Variants in PPFIA2 observed in about 807,000 individuals in gnomAD.
PPFIA2 encodes liprin-alpha-2.
Under a neutral mutation model 175.5 loss-of-function variants are expected in PPFIA2, and 46 were observed. The ratio of observed to expected loss-of-function variants is 0.26; its 90% CI spans 0.21 to 0.34. The LOEUF is 0.34. Among genes scored for constraint, PPFIA2 ranks in the 10% least tolerant of loss-of-function variants. The pLI, the probability that PPFIA2 is intolerant of heterozygous loss-of-function variation, is 1.00. For synonymous variants in PPFIA2, 568 were observed against 511.4 expected (o/e 1.11, Z -1.49); for missense variants, 1,179 against 1,506.1 (o/e 0.78, Z 3.60).
intron 19 of PPFIA2, among the ~76,000 whole-genome samples, chr12:81,343,521 A>AT (rs76020310): frequency 8.2e-4 from 124 of 152,068 alleles, no homozygotes; most frequent in Middle Eastern, 3.4e-3. Flanking sequence ...AGATTCCTTT[A>AT]TTTTTTTTAA....
At chr12:81,565,707 C>T (rs2071144278) in intron 4 of PPFIA2, among the ~76,000 whole-genome samples, 1 of 152,090 alleles carries the variant, frequency 6.6e-6, no homozygotes. Context: ...CCCAGGAATC[C>T]TCAAATAGAT....
chr12:81,353,949 A>G (rs962567389), intron 16 of PPFIA2, among the ~76,000 whole-genome samples: 4 of 152,222 alleles, frequency 2.6e-5, no homozygotes, highest in African/African-American at 9.6e-5. Flanking sequence ...TGAATATGAA[A>G]GTTATGCCCA....
chr12:81,510,398 G>A (rs1317186932), intron 4 of PPFIA2, among the ~76,000 whole-genome samples: 1 of 151,950 alleles, frequency 6.6e-6, no homozygotes, highest in Non-Finnish European at 1.5e-5. Context: ...TTTGAATCTG[G>A]TAATTGTGTA....
chr12:81,498,827 G>A (rs2060291942), intron 4 of PPFIA2, among the ~76,000 whole-genome samples: 1 of 152,076 alleles, frequency 6.6e-6, no homozygotes, highest in Admixed American at 6.6e-5. Context: ...GTTTCACTAT[G>A]TTGGCCAGGC....
At chr12:81,673,768 G>A (rs542957755) in intron 4 of PPFIA2, among the ~76,000 whole-genome samples, 1 of 151,956 alleles carries the variant, frequency 6.6e-6, no homozygotes, top group African/African-American at 2.4e-5. Flanking sequence ...TGCAAGTTGT[G>A]TTTGCTGCTA....
intron 4 of PPFIA2, among the ~76,000 whole-genome samples, chr12:81,484,734 T>C (rs1054868777): frequency 1.9e-4 from 29 of 152,066 alleles, no homozygotes; most frequent in African/African-American, 7.0e-4. Context: ...AATTTAAAAC[T>C]TCATATGTTA....
chr12:81,468,761 T>G (rs910540610), intron 4 of PPFIA2, among the ~76,000 whole-genome samples: 1 of 152,190 alleles, frequency 6.6e-6, no homozygotes, highest in East Asian at 1.9e-4. Flanking sequence ...AGTTGTAAAA[T>G]CTATTGAAAC....
intron 18 of PPFIA2, 88 bp downstream of exon 18, chr12:81,347,445 T>C: frequency 9.1e-7 from 1 of 1,104,834 alleles, no homozygotes. Context: ...AGAAAGTACT[T>C]AGACTAGAAC....
chr12:81,730,482 TGAAACCATCAGATCTCA>T (rs2080735598), intron 3 of PPFIA2, among the ~76,000 whole-genome samples: 1 of 151,602 alleles, frequency 6.6e-6, no homozygotes, highest in African/African-American at 2.4e-5. Flanking sequence ...CAGATGCTTA[TGAAACCATCAGATCTCA>T]TGAGAACTCT....
chr12:81,605,762 A>G (rs1199300943), intron 4 of PPFIA2, among the ~76,000 whole-genome samples: 1 of 151,662 alleles, frequency 6.6e-6, no homozygotes, highest in Admixed American at 6.6e-5. Flanking sequence ...CAGTATCCAT[A>G]CCCTTAGCTT....
rs1377894403 is a variant in PPFIA2, at chr12:81,278,906, C to T, written c.3213-1492G>A. Among the ~76,000 whole-genome samples, 7 of 152,024 alleles carry T rather than the reference C, an allele frequency of 4.6e-5. No homozygotes were observed. In the South Asian group the frequency reaches 1.0e-3, roughly 23 times the overall value. On this transcript the variant is annotated intron_variant, in intron 27 of 32. Transcript: ENST00000549396. The stretch of plus-strand genomic sequence containing the variant: ...ACTTGCTAGATGCATTTCTAAGCCC[C>T]GCATTTTAATAAAAACAATGTTGAG...
chr12:81,686,710 T>C (rs1347945324), intron 3 of PPFIA2, among the ~76,000 whole-genome samples: 1 of 152,110 alleles, frequency 6.6e-6, no homozygotes, highest in Non-Finnish European at 1.5e-5. Context: ...CAGTTAGTTA[T>C]CCAGTCTAGG....
intron 3 of PPFIA2, among the ~76,000 whole-genome samples, chr12:81,739,608 T>C (rs2082088090): frequency 6.6e-6 from 1 of 152,012 alleles, no homozygotes; most frequent in South Asian, 2.1e-4. Flanking sequence ...TAATCTATTA[T>C]CGATCAGCAA....
At chr12:81,719,163 G>T (rs2079016148) in intron 3 of PPFIA2, among the ~76,000 whole-genome samples, 1 of 151,592 alleles carries the variant, frequency 6.6e-6, no homozygotes. Context: ...TAGTTTGAAA[G>T]AAATATTCCA....
chr12:81,520,469 A>G (rs1213288877), intron 4 of PPFIA2, among the ~76,000 whole-genome samples: 1 of 152,232 alleles, frequency 6.6e-6, no homozygotes. Flanking sequence ...AAGTGAAACT[A>G]TGAATATGTG....
rs139628175 is a variant in PPFIA2 at position 81,460,298 on chromosome 12, C to G, written c.304-2432G>C. Among the ~76,000 whole-genome samples, 394 of 152,214 alleles carry G rather than the reference C, an allele frequency of 2.6e-3. 1 individual carries two copies. Among genetic ancestry groups the G allele is most frequent in the African/African-American group, 9.1e-3 (380 of 41,552 alleles). The stretch of plus-strand genomic sequence containing the variant: ...AAACCGCTTTCATTTGGTCCTCATT[C>G]TCTCTTGCTGCCATCATGTAAGAAG... On this transcript the variant is annotated intron_variant, in intron 4 of 32. Transcript: ENST00000549396.
intron 21 of PPFIA2, among the ~76,000 whole-genome samples, chr12:81,330,973 T>G (rs1037194419): frequency 6.6e-6 from 1 of 152,246 alleles, no homozygotes; most frequent in Non-Finnish European, 1.5e-5. Context: ...CCTTTCACTA[T>G]GCAGAGCATG....
intron 3 of PPFIA2, among the ~76,000 whole-genome samples, chr12:81,700,489 A>G (rs1462072035): frequency 1.3e-5 from 2 of 152,076 alleles, no homozygotes; most frequent in South Asian, 2.1e-4. Context: ...AGAATAAAAT[A>G]TGGAACCTGG....
chr12:81,458,777 ATATT>A (rs1464923289), intron 4 of PPFIA2, among the ~76,000 whole-genome samples: 1 of 152,112 alleles, frequency 6.6e-6, no homozygotes, highest in Non-Finnish European at 1.5e-5. Flanking sequence ...TTATAAACAA[ATATT>A]TATTTTTTTA....
Sources: allele counts gnomAD v4.1 joint callset (sites outside exome capture counted in the v4.1 genomes callset), GRCh38; gene constraint gnomAD v4.1.1; transcripts MANE v1.5; gene names NCBI Gene and HGNC (gene_info 2026-07-23, HGNC 2026-07-21).